DNER: variants seen among roughly 807,000 people sequenced by gnomAD.
DNER encodes delta and Notch-like epidermal growth factor-related receptor.
A neutral mutation model predicts 78.2 loss-of-function variants in DNER; 33 were observed. The observed-to-expected ratio is 0.42, with a 90% CI of 0.32 to 0.56. The LOEUF is 0.56. Ranked by LOEUF, DNER falls within the 20% of genes least tolerant of loss-of-function variation. The pLI is 0.11. For synonymous variants in DNER, 417 were observed against 384.8 expected (o/e 1.08, Z -0.98); for missense variants, 918 against 975.3 (o/e 0.94, Z 0.78).
chr2:229,376,081 T>G (rs1381424876), intron 11 of DNER, among the ~76,000 whole-genome samples: 1 of 152,240 alleles, frequency 6.6e-6, no homozygotes, highest in Non-Finnish European at 1.5e-5. Flanking sequence ...CTTGTAAGTT[T>G]CCTGAGACCT....
At chr2:229,424,726 C>G (rs1267473922) in intron 8 of DNER, among the ~76,000 whole-genome samples, 2 of 152,174 alleles carry the variant, frequency 1.3e-5, no homozygotes, top group Non-Finnish European at 2.9e-5. Flanking sequence ...ACAACTTCAA[C>G]ATATGAATTT....
Position 229,591,435 on chromosome 2 carries a change from A to G in DNER, c.585+145T>C. 1.0e-6 allele frequency: 1 copy of G among 987,874 alleles called. No homozygotes were observed. Among genetic ancestry groups the G allele is most frequent in the Admixed American group, 3.0e-5 (1 of 32,842 alleles). 61.2% of individuals were successfully genotyped at this position (987,874 alleles called of 1,614,324 possible). A position where few individuals can be genotyped will look rare whatever the true frequency, so the allele number is the denominator to read the frequency against. Reference sequence around the variant, plus strand: ...ATAAAACCATCGTACACACAAATGCAGACAGGAATAAGTTTAGGGAGATAT... The same window carrying G: ...ATAAAACCATCGTACACACAAATGCGGACAGGAATAAGTTTAGGGAGATAT... On this transcript the variant is annotated intron_variant, in intron 2 of 12. Coordinates refer to ENST00000341772, the MANE Select transcript of DNER (RefSeq NM_139072.4). This position sits in a 1 kb window ranked among gnomAD's most constrained non-coding sequence, Gnocchi z 4.6.
At position 229,468,220 on chromosome 2, in the gene DNER, TA is replaced by T. The variant is rs538350409; in HGVS notation, c.1261+8919del. Among the ~76,000 whole-genome samples the T allele has an allele frequency of 1.8e-4, 27 of 152,334 alleles. 1 individual carries two copies. The South Asian group carries it at 5.2e-3, about 29-fold the overall frequency. On this transcript the variant is annotated intron_variant, in intron 7 of 12. Coordinates refer to ENST00000341772, the MANE Select transcript of DNER (RefSeq NM_139072.4). ...TTCAGTTCATGGTTTGACTCTGAAA[TA>T]AAATTGCTAATAGCCCTTTCCCAAA...
At chr2:229,712,964 C>T (rs2154217954) in intron 1 of DNER, among the ~76,000 whole-genome samples, 1 of 152,286 alleles carries the variant, frequency 6.6e-6, no homozygotes, top group East Asian at 1.9e-4. Flanking sequence ...ATCCCATTTA[C>T]CTCTAAAAAA....
At chr2:229,637,661 G>A (rs1412969423) in intron 1 of DNER, among the ~76,000 whole-genome samples, 1 of 152,208 alleles carries the variant, frequency 6.6e-6, no homozygotes, top group Admixed American at 6.5e-5. Context: ...CACCTTGGTA[G>A]CTTGAAATCA....
intron 8 of DNER, among the ~76,000 whole-genome samples, chr2:229,437,107 C>T (rs1191574389): frequency 6.6e-6 from 1 of 152,070 alleles, no homozygotes; most frequent in African/African-American, 2.4e-5. Context: ...GAAAAATCTA[C>T]CAAACAAACA....
intron 1 of DNER, among the ~76,000 whole-genome samples, chr2:229,688,261 A>T (rs1699518291): frequency 6.6e-6 from 1 of 152,170 alleles, no homozygotes; most frequent in Non-Finnish European, 1.5e-5. Context: ...CTACTCTGGC[A>T]CTCAATCCTG....
At chr2:229,375,439 T>G (rs1692575768) in intron 11 of DNER, among the ~76,000 whole-genome samples, 1 of 152,150 alleles carries the variant, frequency 6.6e-6, no homozygotes, top group South Asian at 2.1e-4. Context: ...AACAGCATTC[T>G]TTCCACTCAA....
At chr2:229,556,498 C>G (rs1696858076) in intron 4 of DNER, among the ~76,000 whole-genome samples, 1 of 152,188 alleles carries the variant, frequency 6.6e-6, no homozygotes, top group Non-Finnish European at 1.5e-5. Flanking sequence ...GGTACAAAAA[C>G]TAATCTAAGT....
At chr2:229,631,628 G>A (rs1052062512) in intron 1 of DNER, among the ~76,000 whole-genome samples, 4 of 151,832 alleles carry the variant, frequency 2.6e-5, no homozygotes, top group African/African-American at 9.7e-5. Flanking sequence ...AAACTTTCAG[G>A]GCTCTGATTT....
chr2:229,520,309 G>A (rs1304698130), intron 5 of DNER, among the ~76,000 whole-genome samples: 1 of 152,140 alleles, frequency 6.6e-6, no homozygotes, highest in Non-Finnish European at 1.5e-5. Context: ...TGGGATAACT[G>A]GAACCAGGAT....
intron 6 of DNER, among the ~76,000 whole-genome samples, chr2:229,479,637 G>A (rs1695110421): frequency 2.0e-5 from 3 of 150,738 alleles, no homozygotes; most frequent in Non-Finnish European, 2.9e-5. Context: ...CATTTGAACC[G>A]AGGAGGTAGA....
chr2:229,404,448 CA>C (rs1483672825), intron 10 of DNER, among the ~76,000 whole-genome samples: 2 of 152,134 alleles, frequency 1.3e-5, no homozygotes, highest in Non-Finnish European at 2.9e-5. Flanking sequence ...ATGAGAACAG[CA>C]TGAAGGAAAC....
chr2:229,652,053 A>T (rs150682826), intron 1 of DNER, among the ~76,000 whole-genome samples: 1 of 152,224 alleles, frequency 6.6e-6, no homozygotes, highest in Admixed American at 6.5e-5. Context: ...CATTTCAAAA[A>T]AAGGAAAACT....
At chr2:229,617,023 G>A (rs2154215364) in intron 1 of DNER, among the ~76,000 whole-genome samples, 1 of 152,290 alleles carries the variant, frequency 6.6e-6, no homozygotes, top group Non-Finnish European at 1.5e-5. Context: ...ACCGAAAGAT[G>A]AAAAGCCGGG....
chr2:229,572,279 G>A (rs148562973), intron 4 of DNER, among the ~76,000 whole-genome samples: 19 of 152,224 alleles, frequency 1.2e-4, no homozygotes, highest in African/African-American at 2.9e-4. Context: ...CTCAACTTGC[G>A]ATGTGAATTC....
At chr2:229,489,556 A>T (rs982324362) in intron 6 of DNER, among the ~76,000 whole-genome samples, 5 of 142,468 alleles carry the variant, frequency 3.5e-5, no homozygotes, top group Non-Finnish European at 7.6e-5. Context: ...GAGGAAGGGG[A>T]GGAGGGGAGG....
At chr2:229,455,990 G>A (rs1254313501) in intron 7 of DNER, among the ~76,000 whole-genome samples, 1 of 152,132 alleles carries the variant, frequency 6.6e-6, no homozygotes, top group Non-Finnish European at 1.5e-5. Context: ...ACTCTGTGCT[G>A]TGGCACCCAA....
At chr2:229,517,961 C>T (rs945906887) in intron 5 of DNER, among the ~76,000 whole-genome samples, 1 of 152,156 alleles carries the variant, frequency 6.6e-6, no homozygotes, top group Non-Finnish European at 1.5e-5. Flanking sequence ...CCAGAAAAGA[C>T]CTGAAAATGC....
Sources: gnomAD v4.1 joint callset for allele counts (sites outside exome capture counted in the v4.1 genomes callset) on GRCh38, gnomAD v4.1.1 for gene constraint, Gnocchi (gnomAD v3.1) non-coding constraint, MANE v1.5 for transcripts, NCBI Gene and HGNC (gene_info 2026-07-23, HGNC 2026-07-21) for gene names.